The following ITGA9 variants were observed in gnomAD, a reference collection of about 807,000 sequenced individuals.
ITGA9 encodes the protein integrin alpha-9.
A neutral mutation model predicts 127.8 loss-of-function variants in ITGA9; 56 were observed. The observed-to-expected ratio is 0.44, with a 90% CI of 0.35 to 0.55. ITGA9 has a LOEUF of 0.55. Among genes scored for constraint, ITGA9 ranks in the 20% least tolerant of loss-of-function variants. ITGA9 has a pLI of 0.00. For synonymous variants in ITGA9, 508 were observed against 514.5 expected (o/e 0.99, Z 0.17); for missense variants, 1,196 against 1,347.1 (o/e 0.89, Z 1.76).
chr3:37,749,439 G>A (rs1443733048), intron 22 of ITGA9: 1 of 152,584 alleles, frequency 6.6e-6, no homozygotes, highest in Non-Finnish European at 1.5e-5. Context: ...GACATCTTTG[G>A]GGGGCCTGTC....
At chr3:37,632,690 A>G (rs987456819) in intron 16 of ITGA9, among the ~76,000 whole-genome samples, 1 of 152,188 alleles carries the variant, frequency 6.6e-6, no homozygotes, top group Non-Finnish European at 1.5e-5. Flanking sequence ...GGAAAATTCT[A>G]AATGTTTCGA....
Position 37,777,477 on chromosome 3 carries a change from C to T in ITGA9, c.2627C>T (p.Thr876Ile), listed in dbSNP as rs1407985719. ...CAAGAACAAGAAAATATCTTCCACA[C>T]AATATTTGCTTTTTTCACAAAGTCT... ...IPQEQENIFHTIFAFFTKSGR... is the reference protein window; with the variant it reads ...IPQEQENIFHIIFAFFTKSGR... Residue 876 changes from threonine to isoleucine, a missense_variant, in exon 24 of 28, where the codon ACA (threonine) becomes ATA (isoleucine). Thr to Ile is a moderately conservative substitution (Grantham distance 89, BLOSUM62 -1). Coordinates refer to ENST00000264741, the MANE Select transcript of ITGA9 (RefSeq NM_002207.3). The T allele has an allele frequency of 1.2e-6, 2 of 1,614,076 alleles. No individual in the cohort carries two copies.
At chr3:37,459,767 G>A (rs139832715) in intron 1 of ITGA9, among the ~76,000 whole-genome samples, 154 of 152,292 alleles carry the variant, frequency 1.0e-3, no homozygotes, top group African/African-American at 3.2e-3. Flanking sequence ...CCGAGTTTGG[G>A]GGCTTCAGGG....
At chr3:37,707,142 A>T (rs996716393) in intron 18 of ITGA9, among the ~76,000 whole-genome samples, 2 of 152,230 alleles carry the variant, frequency 1.3e-5, no homozygotes, top group African/African-American at 2.4e-5. Context: ...TAAGGAACTG[A>T]TTTACTTTAA....
At chr3:37,637,177 T>C (rs901956589) in intron 16 of ITGA9, among the ~76,000 whole-genome samples, 1 of 151,968 alleles carries the variant, frequency 6.6e-6, no homozygotes, top group Non-Finnish European at 1.5e-5. Context: ...AAGAAAGTCA[T>C]TGGTAGCTTG....
chr3:37,647,890 A>G (rs1700394196), intron 16 of ITGA9, among the ~76,000 whole-genome samples: 1 of 152,142 alleles, frequency 6.6e-6, no homozygotes, highest in Non-Finnish European at 1.5e-5. Context: ...ATATATACAT[A>G]TATACACACC....
chr3:37,526,271 A>G lies in ITGA9; in HGVS notation c.1373+200A>G, dbSNP rs79181427. Among the ~76,000 whole-genome samples, 6,039 of 152,152 alleles carry G rather than the reference A, an allele frequency of 0.04. 165 individuals are homozygous for G. The highest frequency in any genetic ancestry group is 0.069 in the Middle Eastern group (20 of 290). On this transcript the variant is annotated intron_variant, in intron 13 of 27. Transcript: ENST00000264741. The stretch of plus-strand genomic sequence containing the variant: ...CTGTGGCCTTGAATGGCTTGCAGGT[A>G]TGAGATGATAACATCCTGGGAGCTT...
rs369403514 is a variant in ITGA9 at position 37,508,662 on chromosome 3, T to C, written c.897+35T>C. 9.6e-5 allele frequency: 148 copies of C among 1,548,434 alleles called. 1 individual carries two copies. In the South Asian group the frequency reaches 1.6e-3, roughly 17 times the overall value. On this transcript the variant is annotated intron_variant, in intron 8 of 27. Transcript: ENST00000264741. ...TTGGTATAAGTGACTATTTTTTATTTGAGAGATGTGATCATGTGGGAGTCA... is the reference window on the plus strand; with the variant it reads ...TTGGTATAAGTGACTATTTTTTATTCGAGAGATGTGATCATGTGGGAGTCA...
At chr3:37,796,624 G>T (rs577344527) in intron 26 of ITGA9, among the ~76,000 whole-genome samples, 7 of 152,096 alleles carry the variant, frequency 4.6e-5, no homozygotes, top group Non-Finnish European at 8.8e-5. Context: ...TCCCCCAAAA[G>T]ATATAACATT....
At chr3:37,736,382 A>G (rs1406621168) in intron 19 of ITGA9, among the ~76,000 whole-genome samples, 1 of 152,140 alleles carries the variant, frequency 6.6e-6, no homozygotes, top group African/African-American at 2.4e-5. Flanking sequence ...GATGGAGTAG[A>G]CCTTAGGCTC....
chr3:37,677,604 T>G, intron 17 of ITGA9, among the ~76,000 whole-genome samples: 1 of 152,246 alleles, frequency 6.6e-6, no homozygotes, highest in East Asian at 1.9e-4. Context: ...TTGATACTAT[T>G]TAGTTGCATT....
rs1428116720 is a variant in ITGA9, at chr3:37,775,603, G to A, written c.2542-1789G>A. Among the ~76,000 whole-genome samples, 4 of 149,774 alleles carry A rather than the reference G, an allele frequency of 2.7e-5. No individual in the cohort carries two copies. The Admixed American group carries it at 2.7e-4, about 10-fold the overall frequency. ...GGAGCTTGCAGTGAGCCAAGATCGC[G>A]CCACTGCACTCCAGCCTGGGCAACA... On this transcript the variant is annotated intron_variant, in intron 23 of 27. Coordinates refer to ENST00000264741, the MANE Select transcript of ITGA9 (RefSeq NM_002207.3).
At chr3:37,635,885 G>GT (rs1220992058) in intron 16 of ITGA9, among the ~76,000 whole-genome samples, 1 of 150,378 alleles carries the variant, frequency 6.6e-6, no homozygotes, top group Non-Finnish European at 1.5e-5. Context: ...GCGGTGTTTG[G>GT]TTTTTTTGTC....
intron 18 of ITGA9, among the ~76,000 whole-genome samples, chr3:37,711,080 G>C (rs1701074778): frequency 6.6e-6 from 1 of 152,196 alleles, no homozygotes; most frequent in African/African-American, 2.4e-5. Context: ...TTGTCTGAAG[G>C]CTCCACTGGA....
chr3:37,658,249 G>A (rs7430508), intron 17 of ITGA9, among the ~76,000 whole-genome samples: 88,644 of 151,878 alleles, frequency 0.58, 26,593 homozygotes, highest in African/African-American at 0.73. Flanking sequence ...ATCCTTGTTA[G>A]TTTTCTGTCT....
At chr3:37,766,075 T>A (rs542741197) in intron 23 of ITGA9, among the ~76,000 whole-genome samples, 1 of 152,362 alleles carries the variant, frequency 6.6e-6, no homozygotes, top group South Asian at 2.1e-4. Flanking sequence ...GGGTGATGGG[T>A]TGTTACCAAA....
chr3:37,644,741 A>AT (rs1700361779), intron 16 of ITGA9, among the ~76,000 whole-genome samples: 1 of 152,136 alleles, frequency 6.6e-6, no homozygotes, highest in South Asian at 2.1e-4. Flanking sequence ...TTAAAGGGAA[A>AT]CCAAGAGGGT....
At chr3:37,642,094 C>T (rs922029136) in intron 16 of ITGA9, among the ~76,000 whole-genome samples, 11 of 152,028 alleles carry the variant, frequency 7.2e-5, no homozygotes, top group African/African-American at 2.2e-4. Context: ...TGTGCCACCA[C>T]GCCTGGCTAT....
chr3:37,496,635 T>C (rs992471944), intron 5 of ITGA9, among the ~76,000 whole-genome samples: 3 of 152,308 alleles, frequency 2.0e-5, no homozygotes, highest in African/African-American at 7.2e-5. Flanking sequence ...AGGAAAAATA[T>C]CATGGTGCTC....
Sources: allele counts gnomAD v4.1 joint callset (sites outside exome capture counted in the v4.1 genomes callset), GRCh38; gene constraint gnomAD v4.1.1; transcripts MANE v1.5; gene names NCBI Gene and HGNC (gene_info 2026-07-23, HGNC 2026-07-21).